The following HEATR3 variants were observed in gnomAD, a reference collection of about 807,000 sequenced individuals.
HEATR3 encodes the protein HEAT repeat-containing protein 3.
A neutral mutation model predicts 72.8 loss-of-function variants in HEATR3; 56 were observed. That is an observed-to-expected ratio of 0.77 (90% CI 0.62 to 0.96). The LOEUF is 0.96. HEATR3 is among the 40% of genes least tolerant of loss of function. HEATR3 has a pLI of 0.00. For missense variants in HEATR3, 747 were observed against 831.4 expected (o/e 0.90, Z 1.25); for synonymous variants, 331 against 318.1 (o/e 1.04, Z -0.43).
rs1023782525 is a variant in HEATR3 at position 50,092,722 on chromosome 16, G to A, written c.1511-1983G>A. Among the ~76,000 whole-genome samples, 11 of 148,426 alleles carry A rather than the reference G, an allele frequency of 7.4e-5. No individual in the cohort carries two copies. In the South Asian group the frequency reaches 8.8e-4, roughly 12 times the overall value. ...CTCCCAAAGTGCTGGGATTACAGGC[G>A]TGAGCCACCGCGCCCGGCCCAAGGT... is the stretch of plus-strand genomic sequence containing the variant. On this transcript the variant is annotated intron_variant, in intron 11 of 14. Transcript: ENST00000299192.
intron 2 of HEATR3, among the ~76,000 whole-genome samples, chr16:50,067,629 G>A (rs527665257): frequency 2.0e-5 from 3 of 152,278 alleles, no homozygotes; most frequent in South Asian, 2.1e-4. Context: ...TCTAAGCAGG[G>A]AAGTGACATG....
chr16:50,085,402 G>T (rs1282657076), intron 10 of HEATR3, among the ~76,000 whole-genome samples: 1 of 152,150 alleles, frequency 6.6e-6, no homozygotes, highest in Non-Finnish European at 1.5e-5. Context: ...AAGGTAGGAG[G>T]ATCACTTGAG....
At chr16:50,069,281 A>T (rs564337233) in intron 3 of HEATR3, 1 of 166,278 alleles carries the variant, frequency 6.0e-6, no homozygotes, top group South Asian at 1.4e-4. Context: ...GGAACTTGTG[A>T]AGATTACAGT....
chr16:50,070,049 T>C (rs994378488), intron 3 of HEATR3, 129 bp from the exon 4 acceptor site: 5 of 502,076 alleles, frequency 1.0e-5, no homozygotes, highest in Non-Finnish European at 1.8e-5. Flanking sequence ...CTACTGTTTG[T>C]AAGGATTCGA....
chr16:50,099,771 T>C (rs2037325704), intron 12 of HEATR3, among the ~76,000 whole-genome samples: 1 of 152,196 alleles, frequency 6.6e-6, no homozygotes, highest in African/African-American at 2.4e-5. Flanking sequence ...CACTACATGG[T>C]AGAAGCACCA....
At chr16:50,091,560 C>T (rs111669422) in intron 11 of HEATR3, among the ~76,000 whole-genome samples, 4,266 of 152,070 alleles carry the variant, frequency 0.028, 191 homozygotes, top group African/African-American at 0.095. Context: ...TACATTTAGA[C>T]ATGCTACAAA....
Position 50,075,572 on chromosome 16 carries a change from A to G in HEATR3, c.624A>G (p.Ala208=), listed in dbSNP as rs751568568. Residue 208 remains alanine (A), a splice_region_variant and synonymous_variant, in exon 6 of 15, where the codon GCA becomes GCG. Coordinates refer to ENST00000299192, the MANE Select transcript of HEATR3 (RefSeq NM_182922.4). The stretch of plus-strand genomic sequence containing the variant: ...AAATACTTATTTTTTGCCTCGTAGC[A>G]TATTGTTTGCAGACAGTGACTGAGG... ...PTNVDLAISV[A]YCLQTVTEDN... 8 of 1,611,128 alleles carry G rather than the reference A, an allele frequency of 5.0e-6. No homozygotes were observed. The highest frequency in any genetic ancestry group is 1.7e-5 in the Admixed American group (1 of 59,912).
At chr16:50,066,659 C>A (rs376571138) in intron 2 of HEATR3, 120 bp downstream of exon 2, 1 of 938,988 alleles carries the variant, frequency 1.1e-6, no homozygotes. Flanking sequence ...CCCGGTCTCC[C>A]GTTTGCAGAG....
rs774311022 is a variant in HEATR3, at chr16:50,066,260, G to T, written c.129G>T (p.Leu43=). The T allele has an allele frequency of 6.4e-6, 10 of 1,568,258 alleles. No individual in the cohort carries two copies. The highest frequency in any genetic ancestry group is 1.7e-4 in the Middle Eastern group (1 of 5,956). ...AGGACGACGGGCCGGCGGCGGAGCTGCTGGAAAAGGTGAGGCGAGGGCTCC... is the reference window on the plus strand; with the variant it reads ...AGGACGACGGGCCGGCGGCGGAGCTTCTGGAAAAGGTGAGGCGAGGGCTCC... ...GEEDDGPAAE[L]LEKLQHPSAE... Residue 43 remains leucine (L), a synonymous_variant, in exon 1 of 15, where the codon CTG becomes CTT. Transcript: ENST00000299192.
intron 5 of HEATR3, 162 bp downstream of exon 5, chr16:50,072,876 A>G: frequency 5.2e-6 from 3 of 576,240 alleles, no homozygotes; most frequent in Non-Finnish European, 9.2e-6. Context: ...TCTGTGATTA[A>G]TATTAATTCT....
intron 12 of HEATR3, 109 bp downstream of exon 12, chr16:50,094,902 A>G (rs2037198815): frequency 1.7e-6 from 1 of 578,236 alleles, no homozygotes; most frequent in African/African-American, 2.0e-5. Context: ...TACAAGAATA[A>G]TATGTGATCT....
At chr16:50,099,524 TCTCCAGATTCCAAGCCTTTGTGTCTGG>T (rs911703968) in intron 12 of HEATR3, among the ~76,000 whole-genome samples, 2 of 152,176 alleles carry the variant, frequency 1.3e-5, no homozygotes, top group Admixed American at 6.5e-5. Context: ...CAGGGTTCAA[TCTCCAGATTCCAAGCCTTTGTGTCTGG>T]CTCCAGATTC....
At chr16:50,096,413 G>C (rs111733494) in intron 12 of HEATR3, among the ~76,000 whole-genome samples, 1 of 151,088 alleles carries the variant, frequency 6.6e-6, no homozygotes, top group Non-Finnish European at 1.5e-5. Flanking sequence ...AGGTTCATGT[G>C]TTGCTTTTGG....
intron 6 of HEATR3, among the ~76,000 whole-genome samples, chr16:50,077,520 T>C (rs1305586273): frequency 6.6e-6 from 1 of 152,190 alleles, no homozygotes; most frequent in Non-Finnish European, 1.5e-5. Flanking sequence ...GCAGTAAAAA[T>C]CCGGAACTCT....
intron 2 of HEATR3, 178 bp downstream of exon 2, chr16:50,066,717 C>T (rs892953775): frequency 2.9e-5 from 15 of 521,238 alleles, no homozygotes; most frequent in Middle Eastern, 5.5e-4. Context: ...ATCCCCGCAT[C>T]TCATCTGTCC....
At chr16:50,098,365 TAATA>T (rs1339337319) in intron 12 of HEATR3, 1 of 152,120 alleles carries the variant, frequency 6.6e-6, no homozygotes, top group Non-Finnish European at 1.5e-5. Flanking sequence ...TTAAAAATAA[TAATA>T]AATAGGTCGG....
intron 2 of HEATR3, among the ~76,000 whole-genome samples, chr16:50,067,618 C>T (rs1330047839): frequency 6.3e-5 from 1 of 15,790 alleles, no homozygotes; most frequent in Non-Finnish European, 1.8e-4. Context: ...GAGGACTTAA[C>T]TCTAAGCAGG....
chr16:50,092,181 G>T (rs967308129), intron 11 of HEATR3, among the ~76,000 whole-genome samples: 9 of 150,626 alleles, frequency 6.0e-5, no homozygotes, highest in African/African-American at 2.2e-4. Context: ...ACAAATACAA[G>T]AAAAATTAGC....
Position 50,100,379 on chromosome 16 carries a change from A to G in HEATR3, c.1743+6A>G, listed in dbSNP as rs1384325211. On this transcript the variant is annotated splice_donor_region_variant and intron_variant, in intron 13 of 14. Coordinates refer to ENST00000299192, the MANE Select transcript of HEATR3 (RefSeq NM_182922.4). ...GTACACTTGAAACTCTTAAGGTAAA[A>G]CAATTTGCTTCTGACCTAACATGTT... The G allele has an allele frequency of 6.2e-7, 1 of 1,613,492 alleles. No individual in the cohort carries two copies.
Sources: allele counts gnomAD v4.1 joint callset (sites outside exome capture counted in the v4.1 genomes callset), GRCh38; gene constraint gnomAD v4.1.1; transcripts MANE v1.5; gene names NCBI Gene and HGNC (gene_info 2026-07-23, HGNC 2026-07-21).